The following TPX2 variants were observed in gnomAD, a reference collection of about 807,000 sequenced individuals.
The protein encoded by TPX2 is TPX2 microtubule nucleation factor, also known as targeting protein for Xklp2.
Under a neutral mutation model 93.6 loss-of-function variants are expected in TPX2, and 21 were observed. The observed-to-expected ratio is 0.22, with a 90% CI of 0.16 to 0.32. The LOEUF (loss-of-function observed/expected upper bound fraction) is 0.32, where lower values mean the gene tolerates loss of function less well. TPX2 is among the 10% of genes least tolerant of loss of function. The pLI is 1.00. For synonymous variants in TPX2, 281 were observed against 298.3 expected (o/e 0.94, Z 0.60); for missense variants, 776 against 871.1 (o/e 0.89, Z 1.37).
chr20:31,770,454 C>A lies in TPX2; in HGVS notation c.468C>A (p.Pro156=). ...CTGTAATCATCGATGAAATTCTACC[C>A]TCTAAGAAAATGAAAGTGTGAGTAG... ...ATPVIIDEIL[P]SKKMKVSNNK... is the part of the protein sequence containing the mutation. Residue 156 remains proline (P), a synonymous_variant, in exon 6 of 18, where the codon CCC becomes CCA. Coordinates refer to ENST00000300403, the MANE Select transcript of TPX2 (RefSeq NM_012112.5). 1 of 1,580,536 alleles carries A rather than the reference C, an allele frequency of 6.3e-7. No individual in the cohort carries two copies.
At position 31,799,897 on chromosome 20, in the gene TPX2, C is replaced by CAAA. The variant is rs533016889; in HGVS notation, c.2134-1051_2134-1049dup. ...TGGGGGTGACAGAGCGAGACTGTCT[C>CAAA]AAAAAAAAAAAAAAAAAAAAAAAAG... is the stretch of plus-strand genomic sequence containing the variant. On this transcript the variant is annotated intron_variant, in intron 17 of 17. Coordinates refer to ENST00000300403, the MANE Select transcript of TPX2 (RefSeq NM_012112.5). 1.7e-3 allele frequency among the ~76,000 whole-genome samples: 108 copies of CAAA among 63,398 alleles called. 1 individual carries two copies. The highest frequency in any genetic ancestry group is 8.3e-3 in the East Asian group (11 of 1,332). The allele number at this position is 63,398 out of a possible 152,430, so 41.6% of individuals were successfully genotyped here.
In TPX2 at chr20:31,798,702, G is replaced by A. The variant is rs6119727; in HGVS notation, c.2133+150G>A. On this transcript the variant is annotated intron_variant, in intron 17 of 17. Coordinates refer to ENST00000300403, the MANE Select transcript of TPX2 (RefSeq NM_012112.5). ...GGGGGAATTGCACAAACTGAGGGTG[G>A]TGATGAAGTTGAGTTGTGAATGAAG... The A allele has an allele frequency of 2.3e-3, 2,261 of 992,872 alleles. 23 individuals carry two copies. In the African/African-American group the frequency reaches 0.032, roughly 14 times the overall value. The allele number at this position is 992,872 out of a possible 1,614,324, so 61.5% of individuals were successfully genotyped here.
intron 4 of TPX2, among the ~76,000 whole-genome samples, chr20:31,765,126 C>A (rs2061916232): frequency 6.6e-6 from 1 of 151,564 alleles, no homozygotes; most frequent in South Asian, 2.1e-4. Context: ...GGCTAACTTT[C>A]TCAGTGTTCC....
chr20:31,797,585 A>G, intron 16 of TPX2, 70 bp downstream of exon 16: 2 of 1,350,446 alleles, frequency 1.5e-6, no homozygotes, highest in Middle Eastern at 1.8e-4. Context: ...GCTGGAATTC[A>G]GTGTGTCAGT....
At chr20:31,781,116 G>T (rs2062030854) in intron 10 of TPX2, 1 of 178,010 alleles carries the variant, frequency 5.6e-6, no homozygotes, top group South Asian at 9.7e-5. Flanking sequence ...AGGAGACAGG[G>T]TCTCATTATG....
At chr20:31,797,939 G>A (rs2062148017) in intron 16 of TPX2, among the ~76,000 whole-genome samples, 2 of 152,172 alleles carry the variant, frequency 1.3e-5, no homozygotes, top group Non-Finnish European at 2.9e-5. Flanking sequence ...GCTCATGCCT[G>A]TAGTCCCAGC....
intron 12 of TPX2, among the ~76,000 whole-genome samples, chr20:31,790,936 A>G (rs775503389): frequency 6.6e-6 from 1 of 152,172 alleles, no homozygotes. Context: ...GAGTGGAGAG[A>G]TCTATTGAAA....
intron 12 of TPX2, among the ~76,000 whole-genome samples, chr20:31,790,005 A>G (rs1600391223): frequency 6.6e-6 from 1 of 152,248 alleles, no homozygotes; most frequent in Non-Finnish European, 1.5e-5. Flanking sequence ...ACAGATTGGA[A>G]GCAGAGCTGG....
intron 2 of TPX2, among the ~76,000 whole-genome samples, chr20:31,744,499 C>T (rs1344301643): frequency 6.6e-6 from 1 of 151,814 alleles, no homozygotes; most frequent in Non-Finnish European, 1.5e-5. Context: ...AATATTTTCC[C>T]GTGTCATTAA....
rs2062037799 is a variant in TPX2 at position 31,782,254 on chromosome 20, T to A, written c.1060T>A (p.Leu354Ile). ...LRSKKDDINL[L>I]PSKSSVTKIC... ...TCTGTCATCTCTGTTTACAGACCTG[T>A]TACCCTCCAAATCTTCTGTGACCAA... Residue 354 changes from leucine (L) to isoleucine (I), a missense_variant, in exon 11 of 18, where the codon TTA (leucine) becomes ATA (isoleucine). Leu to Ile is a conservative substitution (Grantham distance 5, BLOSUM62 2). Around this residue, in one of 3 missense-constraint regions of TPX2, gnomAD observed 461 missense variants for 551.2 expected, o/e 0.84. Coordinates refer to ENST00000300403, the MANE Select transcript of TPX2 (RefSeq NM_012112.5). 1.2e-6 allele frequency: 2 copies of A among 1,610,458 alleles called. No homozygotes were observed. Among genetic ancestry groups the A allele is most frequent in the African/African-American group, 2.7e-5 (2 of 74,846 alleles).
chr20:31,760,687 C>A (rs553510542), intron 4 of TPX2, among the ~76,000 whole-genome samples: 3 of 152,106 alleles, frequency 2.0e-5, no homozygotes, highest in African/African-American at 7.2e-5. Context: ...TTGCCAGATA[C>A]GTAACTGTTA....
At chr20:31,741,372 C>T (rs1412860488) in intron 1 of TPX2, among the ~76,000 whole-genome samples, 1 of 149,626 alleles carries the variant, frequency 6.7e-6, no homozygotes, top group African/African-American at 2.5e-5. Flanking sequence ...AGTGCAGTGG[C>T]GCGATTTCAG....
rs1328097184 is a variant in TPX2, at chr20:31,776,004, G to A, written c.730+16G>A. 1 of 1,426,576 alleles carries A rather than the reference G, an allele frequency of 7.0e-7. No individual in the cohort carries two copies. Among genetic ancestry groups the A allele is most frequent in the Non-Finnish European group, 9.3e-7 (1 of 1,075,410 alleles). The allele number at this position is 1,426,576 out of a possible 1,614,324, so 88.4% of individuals were successfully genotyped here. On this transcript the variant is annotated intron_variant, in intron 8 of 17. Coordinates refer to ENST00000300403, the MANE Select transcript of TPX2 (RefSeq NM_012112.5). Reference sequence around the variant, plus strand: ...GCTGGAATAGGTGAGCTTGGCTGTGGTTGAGTCTGATTCATGAGGGGTGGT... The same window carrying A: ...GCTGGAATAGGTGAGCTTGGCTGTGATTGAGTCTGATTCATGAGGGGTGGT...
At chr20:31,744,590 T>A in intron 2 of TPX2, among the ~76,000 whole-genome samples, 1 of 152,044 alleles carries the variant, frequency 6.6e-6, no homozygotes, top group East Asian at 1.9e-4. Flanking sequence ...TGCACTTCAG[T>A]GGCGTGATCA....
At chr20:31,745,350 G>A (rs1319609361) in intron 2 of TPX2, among the ~76,000 whole-genome samples, 2 of 129,536 alleles carry the variant, frequency 1.5e-5, no homozygotes, top group Admixed American at 8.5e-5. Context: ...TTTTTTTGGA[G>A]ACAGAGTCTC....
In TPX2 at chr20:31,766,581, A is replaced by G. The variant is rs1304885639; in HGVS notation, c.255A>G (p.Ala85=). ...TTGACAACACTTACTACAAAGAGGCAGAAAAAGAAAATCTTGTGGAACAAT... is the reference window on the plus strand; with the variant it reads ...TTGACAACACTTACTACAAAGAGGCGGAAAAAGAAAATCTTGTGGAACAAT... ...KPVDNTYYKE[A]EKENLVEQSI... Residue 85 remains alanine (A), a synonymous_variant, in exon 5 of 18, where the codon GCA becomes GCG. Transcript: ENST00000300403. 4 of 1,613,568 alleles carry G rather than the reference A, an allele frequency of 2.5e-6. No individual in the cohort carries two copies. The highest frequency in any genetic ancestry group is 2.7e-5 in the African/African-American group (2 of 74,820).
chr20:31,799,793 G>A (rs1251757945), intron 17 of TPX2, among the ~76,000 whole-genome samples: 4 of 151,394 alleles, frequency 2.6e-5, no homozygotes, highest in South Asian at 2.1e-4. Context: ...CCAGCTACTC[G>A]GGAGGCTGAG....
chr20:31,783,958 T>G (rs2062050230), intron 12 of TPX2, 37 bp downstream of exon 12: 5 of 1,604,918 alleles, frequency 3.1e-6, no homozygotes, highest in Non-Finnish European at 4.3e-6. Flanking sequence ...AGAAGTGTAC[T>G]GCTCATGACC....
intron 1 of TPX2, among the ~76,000 whole-genome samples, chr20:31,740,029 G>C (rs186425283): frequency 4.6e-5 from 7 of 152,106 alleles, no homozygotes; most frequent in Non-Finnish European, 1.0e-4. Context: ...TATTTGTCCA[G>C]CTCTCTTTTT....
Sources: allele counts gnomAD v4.1 joint callset (sites outside exome capture counted in the v4.1 genomes callset), GRCh38; gene constraint gnomAD v4.1.1; regional missense constraint gnomAD v4.1.1; transcripts MANE v1.5; gene names NCBI Gene and HGNC (gene_info 2026-07-23, HGNC 2026-07-21).